CYP27A1: variants seen among roughly 807,000 people sequenced by gnomAD.
The protein encoded by CYP27A1 is cytochrome P450 family 27 subfamily A member 1.
In CYP27A1, 46 loss-of-function variants were observed where a neutral mutation model predicts 58.2. The ratio of observed to expected loss-of-function variants is 0.79; its 90% CI spans 0.62 to 1.01. The LOEUF (loss-of-function observed/expected upper bound fraction) is 1.01, where lower values mean the gene tolerates loss of function less well. Among genes scored for constraint, CYP27A1 ranks in the 50% least tolerant of loss-of-function variants. The probability of loss-of-function intolerance (pLI) is 0.00; values close to 1 mark genes in which losing one functional copy is unlikely to be tolerated. For synonymous variants in CYP27A1, 274 were observed against 285.1 expected (o/e 0.96, Z 0.39); for missense variants, 704 against 687.0 (o/e 1.02, Z -0.28).
Position 218,815,047 on chromosome 2 carries a change from G to A in CYP27A1, c.*17G>A, listed in dbSNP as rs761592757. On this transcript the variant is annotated 3_prime_UTR_variant, in exon 9 of 9. Coordinates refer to ENST00000258415, the MANE Select transcript of CYP27A1 (RefSeq NM_000784.4). ...CAGTGCTGAGCTGAGTCTCCGCCTT[G>A]CTGGGGCTTGTCCTAGAGGCTCCAG... The A allele has an allele frequency of 6.8e-6, 11 of 1,614,134 alleles. No homozygotes were observed. In the East Asian group the frequency reaches 2.5e-4, roughly 36 times the overall value.
chr2:218,808,032 T>A (rs893869970), intron 1 of CYP27A1, among the ~76,000 whole-genome samples: 1 of 152,264 alleles, frequency 6.6e-6, no homozygotes, highest in African/African-American at 2.4e-5. Flanking sequence ...CTTTTTCACA[T>A]AATCTATCTT....
intron 1 of CYP27A1, among the ~76,000 whole-genome samples, chr2:218,787,344 G>C (rs531616284): frequency 6.6e-6 from 1 of 152,296 alleles, no homozygotes; most frequent in East Asian, 1.9e-4. Context: ...AAGACAATGA[G>C]GGAGGTGGGC....
rs77046741 is a variant in CYP27A1 at position 218,784,562 on chromosome 2, T to C, written c.255+2125T>C. Among the ~76,000 whole-genome samples the C allele has an allele frequency of 5.4e-3, 828 of 152,276 alleles. 8 individuals carry two copies. The highest frequency in any genetic ancestry group is 0.019 in the African/African-American group (786 of 41,530). The stretch of plus-strand genomic sequence containing the variant: ...GAAATGTTAACTATACTATTTTAAA[T>C]TGGAAAGGAAATGAAAATGAGACAC... On this transcript the variant is annotated intron_variant, in intron 1 of 8. Transcript: ENST00000258415.
chr2:218,801,461 G>T (rs547477752), intron 1 of CYP27A1, among the ~76,000 whole-genome samples: 2 of 152,050 alleles, frequency 1.3e-5, no homozygotes, highest in South Asian at 4.1e-4. Context: ...AGCTGACATG[G>T]TGCCACTGCA....
At chr2:218,806,410 A>G (rs976895346) in intron 1 of CYP27A1, among the ~76,000 whole-genome samples, 1 of 152,208 alleles carries the variant, frequency 6.6e-6, no homozygotes, top group Non-Finnish European at 1.5e-5. Flanking sequence ...GGTAGCCACA[A>G]CTCAGAGGGG....
At chr2:218,792,722 A>G (rs1943505104) in intron 1 of CYP27A1, among the ~76,000 whole-genome samples, 1 of 152,232 alleles carries the variant, frequency 6.6e-6, no homozygotes, top group South Asian at 2.1e-4. Flanking sequence ...ACAATAATAT[A>G]AATATACATT....
At chr2:218,794,175 G>A (rs1943523612) in intron 1 of CYP27A1, among the ~76,000 whole-genome samples, 1 of 152,148 alleles carries the variant, frequency 6.6e-6, no homozygotes, top group South Asian at 2.1e-4. Context: ...ACCTCCCGAG[G>A]CTCCACCCCA....
At chr2:218,800,437 CAAAT>C (rs962172265) in intron 1 of CYP27A1, among the ~76,000 whole-genome samples, 7 of 152,142 alleles carry the variant, frequency 4.6e-5, no homozygotes, top group Admixed American at 1.3e-4. Context: ...AATAAATAAA[CAAAT>C]AAATAAAAAC....
intron 1 of CYP27A1, among the ~76,000 whole-genome samples, chr2:218,802,255 C>T (rs911220719): frequency 6.6e-5 from 10 of 151,544 alleles, no homozygotes; most frequent in South Asian, 2.1e-4. Flanking sequence ...TCCAAGTGTG[C>T]GCTCACCATT....
chr2:218,809,001 GA>G, intron 1 of CYP27A1, among the ~76,000 whole-genome samples: 1 of 151,926 alleles, frequency 6.6e-6, no homozygotes, highest in Non-Finnish European at 1.5e-5. Context: ...AAACTCATGG[GA>G]AATAAATAAA....
intron 1 of CYP27A1, among the ~76,000 whole-genome samples, chr2:218,797,277 T>C (rs1473091647): frequency 6.6e-6 from 1 of 152,104 alleles, no homozygotes; most frequent in Non-Finnish European, 1.5e-5. Context: ...TGTTTTGTAT[T>C]GTTAGTAGAG....
intron 2 of CYP27A1, 135 bp downstream of exon 2, chr2:218,809,902 A>G (rs556315792): frequency 2.6e-6 from 2 of 762,878 alleles, no homozygotes; most frequent in East Asian, 2.6e-5. Flanking sequence ...TCTAGAGAGC[A>G]GTTGTTGGGA....
intron 1 of CYP27A1, among the ~76,000 whole-genome samples, chr2:218,799,835 G>T (rs972120109): frequency 6.6e-6 from 1 of 151,674 alleles, no homozygotes; most frequent in Non-Finnish European, 1.5e-5. Context: ...ATTTCTCGGT[G>T]CCCCAATGAC....
intron 2 of CYP27A1, among the ~76,000 whole-genome samples, 191 bp from the exon 3 acceptor site, chr2:218,812,031 G>A (rs888506135): frequency 4.6e-5 from 7 of 152,168 alleles, no homozygotes; most frequent in African/African-American, 1.7e-4. Flanking sequence ...CTGCTATAGC[G>A]AGATTCTGGT....
chr2:218,809,726 G>T lies in CYP27A1; in HGVS notation c.405G>T (p.Glu135Asp). 6.2e-7 allele frequency: 1 copy of T among 1,614,104 alleles called. No individual in the cohort carries two copies. The highest frequency in any genetic ancestry group is 8.5e-7 in the Non-Finnish European group (1 of 1,179,958). Residue 135 changes from glutamate to aspartate, a missense_variant, in exon 2 of 9, where the codon GAG (glutamate) becomes GAT (aspartate). Glu to Asp is a conservative substitution (Grantham distance 45). Transcript: ENST00000258415. ...GGAACGACATGGAGCTATGGAAGGAGCACCGGGACCAGCACGACCTGACCT... is the reference window on the plus strand; with the variant it reads ...GGAACGACATGGAGCTATGGAAGGATCACCGGGACCAGCACGACCTGACCT... ...PVRNDMELWK[E>D]HRDQHDLTYG...
intron 1 of CYP27A1, among the ~76,000 whole-genome samples, chr2:218,805,688 CT>C (rs1199911696): frequency 3.9e-5 from 6 of 152,100 alleles, no homozygotes; most frequent in Admixed American, 2.6e-4. Context: ...CAGGTGGGGG[CT>C]AACCCTCCCA....
intron 1 of CYP27A1, among the ~76,000 whole-genome samples, chr2:218,809,082 T>A (rs1943681543): frequency 6.6e-6 from 1 of 152,174 alleles, no homozygotes; most frequent in Non-Finnish European, 1.5e-5. Flanking sequence ...CAGCTTATTG[T>A]TTTTTCTGTT....
At chr2:218,811,742 C>T (rs1943717863) in intron 2 of CYP27A1, among the ~76,000 whole-genome samples, 1 of 152,120 alleles carries the variant, frequency 6.6e-6, no homozygotes. Context: ...CTCTGCAGCT[C>T]CCCCTTATTT....
intron 1 of CYP27A1, among the ~76,000 whole-genome samples, chr2:218,803,147 A>G (rs1394754991): frequency 6.6e-6 from 1 of 151,936 alleles, no homozygotes; most frequent in Non-Finnish European, 1.5e-5. Context: ...GTTTTGCCAT[A>G]TTGGCCAGGC....
Sources: allele counts gnomAD v4.1 joint callset (sites outside exome capture counted in the v4.1 genomes callset), GRCh38; gene constraint gnomAD v4.1.1; transcripts MANE v1.5; gene names NCBI Gene and HGNC (gene_info 2026-07-23, HGNC 2026-07-21).